Variants in KCNAB2 observed in about 807,000 individuals in gnomAD.
The protein encoded by KCNAB2 is voltage-gated potassium channel subunit beta-2.
KCNAB2 carries 29 observed loss-of-function variants against 63.6 expected under a neutral mutation model. That is an observed-to-expected ratio of 0.46 (90% CI 0.34 to 0.62). The LOEUF (loss-of-function observed/expected upper bound fraction) is 0.62, where lower values mean the gene tolerates loss of function less well. Ranked by LOEUF, KCNAB2 falls within the 20% of genes least tolerant of loss-of-function variation. The probability of loss-of-function intolerance (pLI) is 0.01; values close to 1 mark genes in which losing one functional copy is unlikely to be tolerated. For missense variants in KCNAB2, 359 were observed against 563.9 expected, an observed-to-expected ratio of 0.64 and a Z score of 3.68; for synonymous variants, 222 against 224.2, an observed-to-expected ratio of 0.99 and a Z score of 0.09.
chr1:6,011,441 G>A (rs868778097), intron 1 of KCNAB2, among the ~76,000 whole-genome samples: 2 of 150,338 alleles, frequency 1.3e-5, no homozygotes, highest in Middle Eastern at 7.1e-3. Context: ...CCCAGGGCCA[G>A]GTGTGTGGGA....
intron 1 of KCNAB2, among the ~76,000 whole-genome samples, chr1:6,025,289 C>G (rs1048418369): frequency 6.6e-6 from 1 of 152,094 alleles, no homozygotes; most frequent in African/African-American, 2.4e-5. Flanking sequence ...ATCACACACA[C>G]GGGTGTGGCC....
intron 6 of KCNAB2, chr1:6,085,731 T>C (rs1397184830): frequency 3.6e-5 from 24 of 673,834 alleles, no homozygotes; most frequent in Non-Finnish European, 4.4e-5. Context: ...CCCTGCACCT[T>C]GTCCACAGGA....
chr1:6,096,198 T>C lies in KCNAB2; in HGVS notation c.949-438T>C. On this transcript the variant is annotated intron_variant, in intron 13 of 15. Coordinates refer to ENST00000378083, the MANE Select transcript of KCNAB2 (RefSeq NM_001199862.2). This position sits in a 1 kb window ranked among gnomAD's most constrained non-coding sequence, Gnocchi z 5.9. ...CTGGCCCCCGACTCCTCCCATCCCA[T>C]GGCAAGGTCAGGGCCCCCCTCCAGG... 2.2e-6 allele frequency: 1 copy of C among 456,504 alleles called. No homozygotes were observed. The highest frequency in any genetic ancestry group is 4.4e-6 in the Non-Finnish European group (1 of 227,820). The allele number at this position is 456,504 out of a possible 1,614,324, so 28.3% of individuals were successfully genotyped here.
rs1414169780 is a variant in KCNAB2 at position 5,998,866 on chromosome 1, AG to A, written c.-53+6080del. 6.6e-5 allele frequency among the ~76,000 whole-genome samples: 10 copies of A among 152,352 alleles called. No individual in the cohort carries two copies. The South Asian group carries it at 1.9e-3, about 28-fold the overall frequency. On this transcript the variant is annotated intron_variant, in intron 1 of 16. Coordinates refer to the KCNAB2 transcript ENST00000341524. The stretch of plus-strand genomic sequence containing the variant: ...GCTTCCCTAAGGCCTCCAAGCTACT[AG>A]GCGCAGGAGCCAGGACCCCAAGCCA...
At chr1:6,059,567 C>A (rs1429688328) in intron 2 of KCNAB2, among the ~76,000 whole-genome samples, 13 of 152,164 alleles carry the variant, frequency 8.5e-5, no homozygotes, top group Admixed American at 7.9e-4. Context: ...TTCGGACAAG[C>A]AAGGAGAGGG....
rs1571007210 is a variant in KCNAB2, at chr1:6,066,369, A to C, written c.219-6386A>C. ...ACTTTCGAGAGCGCATAAAATCTGCAAATCCCCATTTGTCAGACTTGGGCA... is the reference window on the plus strand; with the variant it reads ...ACTTTCGAGAGCGCATAAAATCTGCCAATCCCCATTTGTCAGACTTGGGCA... On this transcript the variant is annotated intron_variant, in intron 2 of 15. Coordinates refer to ENST00000378083, the MANE Select transcript of KCNAB2 (RefSeq NM_001199862.2). Among the ~76,000 whole-genome samples the C allele has an allele frequency of 2.0e-5, 3 of 152,308 alleles. 1 individual carries two copies. The highest frequency in any genetic ancestry group is 7.2e-5 in the African/African-American group (3 of 41,576).
chr1:6,028,834 A>G lies in KCNAB2; in HGVS notation c.-52-11683A>G, dbSNP rs1462164557. Among the ~76,000 whole-genome samples the G allele has an allele frequency of 6.6e-6, 1 of 152,230 alleles. No individual in the cohort carries two copies. Among genetic ancestry groups the G allele is most frequent in the Non-Finnish European group, 1.5e-5 (1 of 68,034 alleles). On this transcript the variant is annotated intron_variant, in intron 1 of 16. Transcript: ENST00000341524. This position sits in a 1 kb window ranked among gnomAD's most constrained non-coding sequence, Gnocchi z 4.0. ...AGCTGTGAGTCCAAGTTGCCTGGCAAATAGATAAGGAATACAAGGTGATCA... is the reference window on the plus strand; with the variant it reads ...AGCTGTGAGTCCAAGTTGCCTGGCAGATAGATAAGGAATACAAGGTGATCA...
At chr1:6,010,180 T>C (rs1658074261) in intron 1 of KCNAB2, among the ~76,000 whole-genome samples, 1 of 152,322 alleles carries the variant, frequency 6.6e-6, no homozygotes, top group East Asian at 1.9e-4. Context: ...TCCAGTCATA[T>C]GTGCCATTTC....
intron 2 of KCNAB2, among the ~76,000 whole-genome samples, chr1:6,063,600 G>A (rs373471661): frequency 2.0e-5 from 3 of 151,944 alleles, no homozygotes; most frequent in African/African-American, 7.2e-5. Context: ...TAGTAGAAAT[G>A]GGGTTTCACC....
intron 1 of KCNAB2, among the ~76,000 whole-genome samples, chr1:5,997,015 C>T (rs907621814): frequency 1.3e-5 from 2 of 152,184 alleles, no homozygotes; most frequent in Non-Finnish European, 2.9e-5. Flanking sequence ...CTCTGGCCTG[C>T]TAAGCCACAC....
chr1:6,091,710 G>A (rs550679460), intron 10 of KCNAB2, among the ~76,000 whole-genome samples: 36 of 151,972 alleles, frequency 2.4e-4, no homozygotes, highest in Non-Finnish European at 3.7e-4. Context: ...CCCAAAACAC[G>A]CGGCCCCCCA....
At position 6,056,125 on chromosome 1, in the gene KCNAB2, A is replaced by G. The variant is rs541684386; in HGVS notation, c.218+4371A>G. 1.2e-3 allele frequency among the ~76,000 whole-genome samples: 177 copies of G among 151,994 alleles called. 2 individuals are homozygous for G. Among genetic ancestry groups the G allele is most frequent in the African/African-American group, 4.0e-3 (165 of 41,436 alleles). ...AGTGGTGCAATCTCAGCTCACTGCAACCTCTGCCTCCTGGGTTCAAGCGAT... is the reference window on the plus strand; with the variant it reads ...AGTGGTGCAATCTCAGCTCACTGCAGCCTCTGCCTCCTGGGTTCAAGCGAT... On this transcript the variant is annotated intron_variant, in intron 2 of 15. Coordinates refer to ENST00000378083, the MANE Select transcript of KCNAB2 (RefSeq NM_001199862.2).
In KCNAB2 at chr1:6,045,900, C is replaced by G; in HGVS notation, c.-310C>G. 1.2e-5 allele frequency: 12 copies of G among 985,444 alleles called. No individual in the cohort carries two copies. The highest frequency in any genetic ancestry group is 1.4e-5 in the Non-Finnish European group (12 of 829,946). The allele number at this position is 985,444 out of a possible 1,614,324, so 61.0% of individuals were successfully genotyped here. A position where few individuals can be genotyped will look rare whatever the true frequency, so the allele number is the denominator to read the frequency against. ...CCCACGCACCGGGAGTCAGCCTTGCCAGGTTGCAGCACGGAACTGCACTTC... is the reference window on the plus strand; with the variant it reads ...CCCACGCACCGGGAGTCAGCCTTGCGAGGTTGCAGCACGGAACTGCACTTC... On this transcript the variant is annotated 5_prime_UTR_variant, in exon 1 of 16. Transcript: ENST00000378083. The surrounding 1 kb of genome is among the most constrained non-coding windows in gnomAD (Gnocchi z 4.8).
chr1:6,057,274 G>A (rs1661920501), intron 2 of KCNAB2, among the ~76,000 whole-genome samples: 1 of 151,892 alleles, frequency 6.6e-6, no homozygotes, highest in Non-Finnish European at 1.5e-5. Context: ...TCTGACTCTA[G>A]ATCCCAGGCT....
intron 8 of KCNAB2, among the ~76,000 whole-genome samples, chr1:6,089,948 C>T (rs1477697266): frequency 2.0e-5 from 3 of 152,328 alleles, no homozygotes; most frequent in Non-Finnish European, 2.9e-5. Flanking sequence ...GTGATGCGCC[C>T]GCCTTGGCCC....
intron 2 of KCNAB2, among the ~76,000 whole-genome samples, chr1:6,066,866 GT>G (rs1263955797): frequency 6.6e-6 from 1 of 152,268 alleles, no homozygotes; most frequent in Non-Finnish European, 1.5e-5. Flanking sequence ...CGCATCTGGA[GT>G]TTCCCGATGG....
At chr1:6,041,153 C>T (rs1252120198), upstream of KCNAB2, 2 of 157,140 alleles carry the variant, frequency 1.3e-5, no homozygotes, top group African/African-American at 4.8e-5. Flanking sequence ...TTGTGGAACT[C>T]ACTTCCGCTT....
chr1:6,096,450 G>A lies in KCNAB2; in HGVS notation c.949-186G>A, dbSNP rs1054549072. Reference sequence around the variant, plus strand: ...CCCGCTCATCCACCAGCCCGTGCCCGGCCCACTGCCCACTCTCCCCTACTT... The same window carrying A: ...CCCGCTCATCCACCAGCCCGTGCCCAGCCCACTGCCCACTCTCCCCTACTT... On this transcript the variant is annotated intron_variant, in intron 13 of 15. Coordinates refer to ENST00000378083, the MANE Select transcript of KCNAB2 (RefSeq NM_001199862.2). The surrounding 1 kb of genome is among the most constrained non-coding windows in gnomAD (Gnocchi z 5.9). 87 of 747,294 alleles carry A rather than the reference G, an allele frequency of 1.2e-4. 1 individual carries two copies. Among genetic ancestry groups the A allele is most frequent in the South Asian group, 2.8e-4 (14 of 50,438 alleles). 46.3% of individuals were successfully genotyped at this position (747,294 alleles called of 1,614,324 possible). A position where few individuals can be genotyped will look rare whatever the true frequency, so the allele number is the denominator to read the frequency against.
At chr1:6,040,512 T>C in intron 1 of KCNAB2, 1 of 1,490,904 alleles carries the variant, frequency 6.7e-7, no homozygotes, top group Non-Finnish European at 9.4e-7. Flanking sequence ...TTGCTTTTCT[T>C]CCAGAATTTT....
Sources: allele counts gnomAD v4.1 joint callset (sites outside exome capture counted in the v4.1 genomes callset), GRCh38; gene constraint gnomAD v4.1.1; non-coding constraint Gnocchi (gnomAD v3.1); transcripts MANE v1.5; gene names NCBI Gene and HGNC (gene_info 2026-07-23, HGNC 2026-07-21).